JPH3: variants seen among roughly 807,000 people sequenced by gnomAD.
The protein encoded by JPH3 is junctophilin 3, also known as junctophilin-3.
JPH3 carries 11 observed loss-of-function variants against 59.6 expected under a neutral mutation model. That is an observed-to-expected ratio of 0.18 (90% CI 0.12 to 0.31). JPH3 has a LOEUF of 0.31. Among genes scored for constraint, JPH3 ranks in the 10% least tolerant of loss-of-function variants. The pLI is 1.00. For synonymous variants in JPH3, 673 were observed against 483.6 expected (o/e 1.39, Z -5.14); for missense variants, 1,202 against 1,105.7 (o/e 1.09, Z -1.24).
Position 87,689,817 on chromosome 16 carries a change from C to G in JPH3, c.1457C>G (p.Ala486Gly). ...CAGAGCTTCCCCACCAGCCCCGCGG[C>G]CACCCCGCCGCCCGCGCCCGCCGCC... ...PLQSFPTSPA[A>G]TPPPAPAARN... The change falls in exon 4 of 5, where the codon GCC (alanine) becomes GGC (glycine). Residue 486 changes from alanine to glycine, a missense_variant. Coordinates refer to ENST00000284262, the MANE Select transcript of JPH3 (RefSeq NM_020655.4). 1 of 1,574,844 alleles carries G rather than the reference C, an allele frequency of 6.3e-7. No homozygotes were observed. Among genetic ancestry groups the G allele is most frequent in the Non-Finnish European group, 8.6e-7 (1 of 1,161,112 alleles).
intron 2 of JPH3, among the ~76,000 whole-genome samples, chr16:87,681,594 G>A (rs1354026402): frequency 2.5e-4 from 35 of 139,510 alleles, no homozygotes; most frequent in African/African-American, 8.7e-4. Flanking sequence ...GGTCAGGTGC[G>A]CGCGGTGATG....
chr16:87,661,353 C>T (rs527469145), intron 2 of JPH3, among the ~76,000 whole-genome samples: 11 of 152,344 alleles, frequency 7.2e-5, no homozygotes, highest in Admixed American at 3.9e-4. Flanking sequence ...CATTCACAGA[C>T]GGGTTCTGGG....
At chr16:87,616,614 G>A (rs2150826201) in intron 1 of JPH3, among the ~76,000 whole-genome samples, 1 of 152,158 alleles carries the variant, frequency 6.6e-6, no homozygotes, top group Admixed American at 6.5e-5. Context: ...AGGCAGTGGT[G>A]AGGAATAGAT....
intron 1 of JPH3, among the ~76,000 whole-genome samples, chr16:87,630,474 G>A (rs769505102): frequency 6.7e-6 from 1 of 148,904 alleles, no homozygotes; most frequent in Admixed American, 6.7e-5. Flanking sequence ...ACTGTGCATC[G>A]AGGCCAGGCT....
intron 1 of JPH3, 109 bp downstream of exon 1, chr16:87,603,637 G>GT: frequency 1.5e-6 from 2 of 1,332,236 alleles, no homozygotes; most frequent in East Asian, 2.5e-5. Flanking sequence ...TTGGGCCGTG[G>GT]GCACCAGGGG....
intron 2 of JPH3, among the ~76,000 whole-genome samples, chr16:87,656,243 C>T (rs57451378): frequency 6.6e-6 from 1 of 152,110 alleles, no homozygotes; most frequent in Non-Finnish European, 1.5e-5. Context: ...TCATGCTGTT[C>T]CTTCCAGCCG....
At chr16:87,649,153 C>T (rs576848343) in intron 2 of JPH3, among the ~76,000 whole-genome samples, 76 of 152,272 alleles carry the variant, frequency 5.0e-4, no homozygotes, top group African/African-American at 1.6e-3. Context: ...CCAGTGGCCC[C>T]GCGGAGCTGA....
At chr16:87,681,905 C>T (rs961519950) in intron 2 of JPH3, among the ~76,000 whole-genome samples, 4 of 152,180 alleles carry the variant, frequency 2.6e-5, no homozygotes, top group African/African-American at 9.7e-5. Context: ...CCAGGGCTAG[C>T]TGTGTTCAGG....
At chr16:87,696,104 A>C (rs1003217191) in intron 4 of JPH3, 1 of 457,458 alleles carries the variant, frequency 2.2e-6, no homozygotes, top group African/African-American at 2.0e-5. Flanking sequence ...GGACTTTGGG[A>C]GTCCTCTGAG....
chr16:87,644,953 C>T lies in JPH3; in HGVS notation c.1078C>T (p.Arg360Cys), dbSNP rs200494558. The change falls in exon 2 of 5, where the codon CGC becomes TGC. Residue 360 changes from arginine to cysteine, a missense_variant. Arg to Cys is a radical substitution (Grantham distance 180). Coordinates refer to ENST00000284262, the MANE Select transcript of JPH3 (RefSeq NM_020655.4). ...NLIPLRASKI[R>C]EKVDRAVEAA... ...CATCCCCCTGCGGGCCAGCAAGATC[C>T]GCGAGAAGGTGGACCGCGCCGTTGA... 358 of 1,611,804 alleles carry T rather than the reference C, an allele frequency of 2.2e-4. No homozygotes were observed. Among genetic ancestry groups the T allele is most frequent in the Non-Finnish European group, 2.7e-4 (323 of 1,179,886 alleles).
chr16:87,672,945 G>C (rs1035818936), intron 2 of JPH3, among the ~76,000 whole-genome samples: 6 of 152,206 alleles, frequency 3.9e-5, no homozygotes, highest in Admixed American at 6.5e-5. Context: ...AGGAGTTCAA[G>C]ACCAGCTTGG....
intron 1 of JPH3, among the ~76,000 whole-genome samples, chr16:87,614,004 GC>G (rs2030838883): frequency 6.6e-6 from 1 of 152,120 alleles, no homozygotes; most frequent in Non-Finnish European, 1.5e-5. Context: ...CATTCCAGGG[GC>G]CCACTTGCTT....
At chr16:87,647,465 C>T (rs1472311007) in intron 2 of JPH3, among the ~76,000 whole-genome samples, 5 of 152,180 alleles carry the variant, frequency 3.3e-5, no homozygotes, top group Non-Finnish European at 7.4e-5. Context: ...AGCCCACCCC[C>T]TGCCAACCCC....
chr16:87,630,105 T>C (rs934429162), intron 1 of JPH3, among the ~76,000 whole-genome samples: 2 of 152,212 alleles, frequency 1.3e-5, no homozygotes, highest in African/African-American at 4.8e-5. Flanking sequence ...CTCCACTCAG[T>C]TGACTGTCTG....
chr16:87,688,747 G>A (rs375560623), intron 3 of JPH3, among the ~76,000 whole-genome samples: 33 of 152,156 alleles, frequency 2.2e-4, no homozygotes, highest in African/African-American at 6.8e-4. Context: ...AGCCTAGGAC[G>A]CTACTTGAGA....
chr16:87,643,859 C>T (rs960710869), intron 1 of JPH3, among the ~76,000 whole-genome samples: 1 of 151,800 alleles, frequency 6.6e-6, no homozygotes, highest in Non-Finnish European at 1.5e-5. Flanking sequence ...GATAGCACAC[C>T]AGGAGTGGTG....
intron 2 of JPH3, among the ~76,000 whole-genome samples, chr16:87,676,565 C>G (rs2033145462): frequency 6.6e-6 from 1 of 151,928 alleles, no homozygotes; most frequent in South Asian, 2.1e-4. Context: ...GAAACCCCGT[C>G]TCTCCTAAAA....
At chr16:87,662,890 G>C (rs1053142677) in intron 2 of JPH3, among the ~76,000 whole-genome samples, 1 of 152,206 alleles carries the variant, frequency 6.6e-6, no homozygotes, top group Non-Finnish European at 1.5e-5. Context: ...ACTGCCTGCA[G>C]GGAAAAGCAC....
At chr16:87,664,710 G>A (rs759504106) in intron 2 of JPH3, among the ~76,000 whole-genome samples, 4 of 152,198 alleles carry the variant, frequency 2.6e-5, no homozygotes, top group South Asian at 2.1e-4. Context: ...GAGCCACCCC[G>A]GAGTGAAGGC....
Sources: allele counts gnomAD v4.1 joint callset (sites outside exome capture counted in the v4.1 genomes callset), GRCh38; gene constraint gnomAD v4.1.1; transcripts MANE v1.5; gene names NCBI Gene and HGNC (gene_info 2026-07-23, HGNC 2026-07-21).